Variants in YTHDC2 observed in about 807,000 individuals in gnomAD.
The protein encoded by YTHDC2 is YTH N6-methyladenosine RNA binding protein C2.
YTHDC2 carries 45 observed loss-of-function variants against 174.9 expected under a neutral mutation model. The observed-to-expected ratio is 0.26, with a 90% CI of 0.20 to 0.33. The LOEUF (loss-of-function observed/expected upper bound fraction) is 0.33. Among genes scored for constraint, YTHDC2 ranks in the 10% least tolerant of loss-of-function variants. The pLI is 1.00. For missense variants in YTHDC2, 1,650 were observed against 1,723.7 expected (o/e 0.96, Z 0.76); for synonymous variants, 657 against 574.5 (o/e 1.14, Z -2.05).
Position 113,559,190 on chromosome 5 carries a change from A to G in YTHDC2, c.2217-1890A>G, listed in dbSNP as rs372695830. Among the ~76,000 whole-genome samples, 3 of 152,250 alleles carry G rather than the reference A, an allele frequency of 2.0e-5. No individual in the cohort carries two copies. The South Asian group carries it at 6.2e-4, about 32-fold the overall frequency. On this transcript the variant is annotated intron_variant, in intron 17 of 29. Coordinates refer to ENST00000161863, the MANE Select transcript of YTHDC2 (RefSeq NM_022828.5). ...AGAGGCTGAAGGGTGGGTATAGTGT[A>G]GGGAAGTATAAGGGGTCTTCAAAAA...
chr5:113,553,632 G>A lies in YTHDC2; in HGVS notation c.1910G>A (p.Gly637Glu). The change falls in exon 14 of 30, where the codon GGA becomes GAA. Residue 637 changes from glycine (G) to glutamate (E), a missense_variant. Gly to Glu is a moderately conservative substitution (Grantham distance 98). This residue lies in a region of YTHDC2 where 17 missense variants were observed against 37.3 expected (regional missense o/e 0.46). Coordinates refer to ENST00000161863, the MANE Select transcript of YTHDC2 (RefSeq NM_022828.5). ...CTGCCTGGATATGACGAAATTGTTG[G>A]ACTGAGAGATCGCATCCTGTTTGAT... is the stretch of plus-strand genomic sequence containing the variant. ...IFLPGYDEIVGLRDRILFDDK... is the reference protein window; with the variant it reads ...IFLPGYDEIVELRDRILFDDK... 1.2e-6 allele frequency: 2 copies of A among 1,613,478 alleles called. No individual in the cohort carries two copies. The highest frequency in any genetic ancestry group is 1.7e-6 in the Non-Finnish European group (2 of 1,179,556).
At chr5:113,524,448 T>C (rs1162290558) in intron 2 of YTHDC2, among the ~76,000 whole-genome samples, 4 of 152,142 alleles carry the variant, frequency 2.6e-5, no homozygotes, top group African/African-American at 9.7e-5. Context: ...AAAATGCATC[T>C]GAAATTATTT....
At chr5:113,562,330 A>G (rs1777048645) in intron 18 of YTHDC2, among the ~76,000 whole-genome samples, 1 of 146,638 alleles carries the variant, frequency 6.8e-6, no homozygotes. Flanking sequence ...CAGACCCTAT[A>G]GCTTCTAGGG....
intron 10 of YTHDC2, among the ~76,000 whole-genome samples, chr5:113,542,998 A>T (rs1775594371): frequency 6.6e-6 from 1 of 151,940 alleles, no homozygotes; most frequent in African/African-American, 2.4e-5. Context: ...TCTTGGCAAG[A>T]TCTTTTTCTT....
Position 113,516,219 on chromosome 5 carries a change from A to T in YTHDC2, c.278+857A>T, listed in dbSNP as rs1773414842. ...AAAAGATAGTTGCAATTATTTATGG[A>T]ACTTACTTCTTTTACTGTTACTGCA... On this transcript the variant is annotated intron_variant, in intron 2 of 29. Coordinates refer to ENST00000161863, the MANE Select transcript of YTHDC2 (RefSeq NM_022828.5). Among the ~76,000 whole-genome samples, 3 of 152,184 alleles carry T rather than the reference A, an allele frequency of 2.0e-5. No individual in the cohort carries two copies. The South Asian group carries it at 6.2e-4, about 31-fold the overall frequency.
chr5:113,524,935 C>T (rs764063446), intron 2 of YTHDC2, 46 bp from the exon 3 acceptor site: 1 of 1,397,508 alleles, frequency 7.2e-7, no homozygotes, highest in South Asian at 1.4e-5. Flanking sequence ...CATATGTGAA[C>T]AAGTTGACTT....
Position 113,565,907 on chromosome 5 carries a change from A to T in YTHDC2, c.2730A>T (p.Ala910=), listed in dbSNP as rs773091515. Residue 910 remains alanine (A), a synonymous_variant, in exon 21 of 30, where the codon GCA becomes GCT. Transcript: ENST00000161863. Reference sequence around the variant, plus strand: ...TCTTTTTATAGGCCTGGCAAAAAGCACGAAGTGATGGGTGGGAGCGAGCCT... The same window carrying T: ...TCTTTTTATAGGCCTGGCAAAAAGCTCGAAGTGATGGGTGGGAGCGAGCCT... ...LLRAFQAWQK[A]RSDGWERAFC... 6.2e-7 allele frequency: 1 copy of T among 1,612,562 alleles called. No homozygotes were observed. Among genetic ancestry groups the T allele is most frequent in the Non-Finnish European group, 8.5e-7 (1 of 1,179,356 alleles).
In YTHDC2 at chr5:113,526,750, A is replaced by C; in HGVS notation, c.640A>C (p.Ile214Leu). 2 of 1,536,940 alleles carry C rather than the reference A, an allele frequency of 1.3e-6. No individual in the cohort carries two copies. The highest frequency in any genetic ancestry group is 2.5e-5 in the East Asian group (1 of 40,748). The change falls in exon 4 of 30, where the codon ATT (isoleucine) becomes CTT (leucine). Residue 214 changes from isoleucine to leucine, a missense_variant. Physicochemically the swap from Ile to Leu is conservative, Grantham distance 5. Transcript: ENST00000161863. ...AATTAAGGAAAATAAAGTAGTTTTG[A>C]TTGTAGGAGAAACTGGGTCTGGAAA... The part of the protein sequence containing the change: ...KIIKENKVVL[I>L]VGETGSGKTT...
intron 17 of YTHDC2, 96 bp from the exon 18 acceptor site, chr5:113,560,984 T>C (rs1224462549): frequency 3.9e-6 from 4 of 1,030,612 alleles, no homozygotes; most frequent in Non-Finnish European, 5.5e-6. Context: ...ATCCTGATCC[T>C]GGATCATTTT....
Position 113,548,566 on chromosome 5 carries a change from T to A in YTHDC2, c.1521T>A (p.Ser507Arg). The A allele has an allele frequency of 6.2e-7, 1 of 1,611,448 alleles. No homozygotes were observed. The highest frequency in any genetic ancestry group is 8.5e-7 in the Non-Finnish European group (1 of 1,179,082). Residue 507 changes from serine to arginine, a missense_variant, in exon 11 of 30, where the codon AGT (serine) becomes AGA (arginine). Around this residue, in one of 5 missense-constraint regions of YTHDC2, gnomAD observed 411 missense variants for 380.6 expected, o/e 1.08. Transcript: ENST00000161863. ...VSVDYRHSETSATALMVAAGR... is the reference protein window; with the variant it reads ...VSVDYRHSETRATALMVAAGR... ...TTGATTACAGACATAGTGAAACCAG[T>A]GCAACAGCTCTGATGGTTGCTGCAG...
Position 113,561,623 on chromosome 5 carries a change from C to T in YTHDC2, c.2322+438C>T, listed in dbSNP as rs145330056. ...AGCTGGGATTACAGGCGCCCACCAC[C>T]GTGCCCAGCTAATTTTTATATTTTC... On this transcript the variant is annotated intron_variant, in intron 18 of 29. Coordinates refer to ENST00000161863, the MANE Select transcript of YTHDC2 (RefSeq NM_022828.5). 5.8e-3 allele frequency among the ~76,000 whole-genome samples: 877 copies of T among 151,968 alleles called. 9 individuals are homozygous for T. The highest frequency in any genetic ancestry group is 0.02 in the African/African-American group (826 of 41,434).
At chr5:113,542,781 T>G (rs1484554681) in intron 10 of YTHDC2, among the ~76,000 whole-genome samples, 1 of 152,202 alleles carries the variant, frequency 6.6e-6, no homozygotes, top group Non-Finnish European at 1.5e-5. Flanking sequence ...TGCTGTTATG[T>G]GTATGTGTTG....
At chr5:113,528,523 A>AT (rs907043990) in intron 4 of YTHDC2, among the ~76,000 whole-genome samples, 77 of 147,414 alleles carry the variant, frequency 5.2e-4, no homozygotes, top group African/African-American at 1.1e-3. Context: ...AAGGTGGAAG[A>AT]TTTTTTTTTT....
At chr5:113,586,706 A>G (rs971986562) in intron 26 of YTHDC2, among the ~76,000 whole-genome samples, 5 of 150,684 alleles carry the variant, frequency 3.3e-5, no homozygotes, top group African/African-American at 7.3e-5. Flanking sequence ...GTCAAGAATT[A>G]CTCGTTGGCT....
Position 113,553,864 on chromosome 5 carries a change from A to C in YTHDC2, c.2052+10A>C, listed in dbSNP as rs867826411. 6.3e-7 allele frequency: 1 copy of C among 1,577,324 alleles called. No individual in the cohort carries two copies. Among genetic ancestry groups the C allele is most frequent in the African/African-American group, 1.7e-5 (1 of 60,180 alleles). On this transcript the variant is annotated intron_variant, in intron 15 of 29. Transcript: ENST00000161863. The stretch of plus-strand genomic sequence containing the variant: ...AGGTGTTCGAAAAATAGTAAGCTTC[A>C]TAAAATCTTCTTTTTAACACTTTCA...
intron 12 of YTHDC2, among the ~76,000 whole-genome samples, chr5:113,552,272 C>T (rs924892332): frequency 6.6e-6 from 1 of 152,048 alleles, no homozygotes; most frequent in African/African-American, 2.4e-5. Context: ...TCACCACAAT[C>T]AATTTTAGAA....
chr5:113,527,937 C>T (rs1419016086), intron 4 of YTHDC2, among the ~76,000 whole-genome samples: 1 of 152,032 alleles, frequency 6.6e-6, no homozygotes, highest in Non-Finnish European at 1.5e-5. Flanking sequence ...ATTACAGGCA[C>T]CCGCCACCAC....
intron 17 of YTHDC2, among the ~76,000 whole-genome samples, chr5:113,559,938 A>C (rs531596199): frequency 6.6e-6 from 1 of 152,182 alleles, no homozygotes; most frequent in Admixed American, 6.5e-5. Flanking sequence ...TGCGTAAGGC[A>C]TTTTGCTTAT....
At chr5:113,570,826 G>A (rs1777666562) in intron 23 of YTHDC2, among the ~76,000 whole-genome samples, 1 of 151,748 alleles carries the variant, frequency 6.6e-6, no homozygotes, top group Non-Finnish European at 1.5e-5. Context: ...AATTTTTTTT[G>A]TATTTTTAGT....
Sources: gnomAD v4.1 joint callset for allele counts (sites outside exome capture counted in the v4.1 genomes callset) on GRCh38, gnomAD v4.1.1 for gene constraint, gnomAD v4.1.1 regional missense constraint, MANE v1.5 for transcripts, NCBI Gene and HGNC (gene_info 2026-07-23, HGNC 2026-07-21) for gene names.